Variants in HIPK4 observed in about 807,000 individuals in gnomAD.
The protein encoded by HIPK4 is homeodomain-interacting protein kinase 4.
HIPK4 carries 26 observed loss-of-function variants against 44.8 expected under a neutral mutation model. The ratio of observed to expected loss-of-function variants is 0.58; its 90% confidence interval spans 0.43 to 0.80. The LOEUF (loss-of-function observed/expected upper bound fraction) is 0.80. Ranked by LOEUF, HIPK4 falls within the 30% of genes least tolerant of loss-of-function variation. The pLI is 0.00. For missense variants in HIPK4, 729 were observed against 862.6 expected, an observed-to-expected ratio of 0.85 and a Z score of 1.94; for synonymous variants, 340 against 355.5, an observed-to-expected ratio of 0.96 and a Z score of 0.49.
chr19:40,387,286 C>T (rs1022921947), intron 1 of HIPK4, among the ~76,000 whole-genome samples: 1 of 152,106 alleles, frequency 6.6e-6, no homozygotes, highest in Admixed American at 6.6e-5. Context: ...CCTGAAGTCC[C>T]GGTCCTCTTC....
In HIPK4 at chr19:40,389,947, A is replaced by G. The variant is rs2079381362; in HGVS notation, c.-45T>C. 3 of 1,502,106 alleles carry G rather than the reference A, an allele frequency of 2.0e-6. No individual in the cohort carries two copies. The highest frequency in any genetic ancestry group is 2.8e-5 in the African/African-American group (2 of 72,718). The allele number at this position is 1,502,106 out of a possible 1,614,324, so 93.0% of individuals were successfully genotyped here. ...ACCGCCCTGCCCAGGCCCCTGTACC[A>G]CTGGCTCTGCCGCCCAGGCCTCCCG... is the stretch of plus-strand genomic sequence containing the variant. On this transcript the variant is annotated 5_prime_UTR_variant, in exon 1 of 4. Transcript: ENST00000291823. This position sits in a 1 kb window ranked among gnomAD's most constrained non-coding sequence, Gnocchi z 4.6.
chr19:40,386,679 G>C (rs1379155744), intron 1 of HIPK4, among the ~76,000 whole-genome samples: 2 of 152,064 alleles, frequency 1.3e-5, no homozygotes, highest in Non-Finnish European at 2.9e-5. Context: ...CCCCAGCGAG[G>C]ATGTCAGTCC....
At position 40,380,851 on chromosome 19, in the gene HIPK4, G is replaced by T. The variant is rs781648616; in HGVS notation, c.1140C>A (p.Pro380=). The part of the protein sequence containing the change: ...RLSLQVEGKP[P]TPVVAAEDGT... ...CATCTTCTGCGGCCACGACGGGCGTGGGGGGCTTCCCCTCCACTTGCAGCG... is the reference window on the plus strand; with the variant it reads ...CATCTTCTGCGGCCACGACGGGCGTTGGGGGCTTCCCCTCCACTTGCAGCG... Residue 380 remains proline, a synonymous_variant, in exon 3 of 4, where the codon CCC becomes CCA. Coordinates refer to ENST00000291823, the MANE Select transcript of HIPK4 (RefSeq NM_144685.5). The surrounding 1 kb of genome is among the most constrained non-coding windows in gnomAD (Gnocchi z 4.2). 5.0e-6 allele frequency: 8 copies of T among 1,608,916 alleles called. No homozygotes were observed. The highest frequency in any genetic ancestry group is 1.3e-5 in the African/African-American group (1 of 74,832).
chr19:40,383,639 C>T, intron 2 of HIPK4, 144 bp downstream of exon 2: 1 of 697,204 alleles, frequency 1.4e-6, no homozygotes, highest in Non-Finnish European at 2.5e-6. Flanking sequence ...CCAGGCTGGT[C>T]TCAAACCCCT....
Position 40,389,946 on chromosome 19 carries a change from C to T in HIPK4, c.-44G>A, listed in dbSNP as rs372068607. On this transcript the variant is annotated 5_prime_UTR_variant, in exon 1 of 4. Transcript: ENST00000291823. This position sits in a 1 kb window ranked among gnomAD's most constrained non-coding sequence, Gnocchi z 4.6. ...CACCGCCCTGCCCAGGCCCCTGTAC[C>T]ACTGGCTCTGCCGCCCAGGCCTCCC... is the stretch of plus-strand genomic sequence containing the variant. 663 of 1,511,824 alleles carry T rather than the reference C, an allele frequency of 4.4e-4. No individual in the cohort carries two copies. Among genetic ancestry groups the T allele is most frequent in the Middle Eastern group, 3.3e-3 (16 of 4,876 alleles). The allele number at this position is 1,511,824 out of a possible 1,614,324, so 93.7% of individuals were successfully genotyped here.
At chr19:40,388,281 G>A (rs2079372485) in intron 1 of HIPK4, among the ~76,000 whole-genome samples, 1 of 152,144 alleles carries the variant, frequency 6.6e-6, no homozygotes, top group Non-Finnish European at 1.5e-5. Flanking sequence ...GCCTCCCAAA[G>A]TGCTGGGATT....
intron 1 of HIPK4, 26 bp from the exon 2 acceptor site, chr19:40,384,165 G>C (rs1167873312): frequency 6.5e-7 from 1 of 1,542,404 alleles, no homozygotes. Context: ...AAGAGGGCGA[G>C]TGGGCAGGTC....
intron 3 of HIPK4, 120 bp from the exon 4 acceptor site, chr19:40,379,889 C>T: frequency 9.6e-7 from 1 of 1,038,618 alleles, no homozygotes; most frequent in Non-Finnish European, 1.4e-6. Context: ...AGTGCTGGGC[C>T]TTTATTGCCC....
Position 40,390,042 on chromosome 19 carries a change from T to G in HIPK4, c.-140A>C. 2 of 651,550 alleles carry G rather than the reference T, an allele frequency of 3.1e-6. No homozygotes were observed. The highest frequency in any genetic ancestry group is 5.2e-6 in the Non-Finnish European group (2 of 382,286). The allele number at this position is 651,550 out of a possible 1,614,324, so 40.4% of individuals were successfully genotyped here. ...CGCACTCGTGTCTCCTCCTATGAGG[T>G]TGGCCCCTGCTTCCCTGGCACCCCC... On this transcript the variant is annotated 5_prime_UTR_variant, in exon 1 of 4. Transcript: ENST00000291823.
intron 2 of HIPK4, among the ~76,000 whole-genome samples, chr19:40,382,074 G>A (rs576570590): frequency 6.6e-6 from 1 of 152,062 alleles, no homozygotes; most frequent in African/African-American, 2.4e-5. Context: ...CCAAAGTGCT[G>A]GGATTACAGG....
chr19:40,379,894 T>TGTGA, intron 3 of HIPK4, 125 bp from the exon 4 acceptor site: 1 of 1,007,420 alleles, frequency 9.9e-7, no homozygotes, highest in Non-Finnish European at 1.4e-6. Context: ...TGGGCCTTTA[T>TGTGA]TGCCCCTTTG....
rs1179435784 is a variant in HIPK4 at position 40,388,270 on chromosome 19, G to A, written c.465+1168C>T. Among the ~76,000 whole-genome samples, 8 of 151,220 alleles carry A rather than the reference G, an allele frequency of 5.3e-5. No individual in the cohort carries two copies. In the East Asian group the frequency reaches 7.9e-4, roughly 15 times the overall value. ...TGACCTCAGGTGATCCACCCGCCTC[G>A]GCCTCCCAAAGTGCTGGGATTACAG... is the stretch of plus-strand genomic sequence containing the variant. On this transcript the variant is annotated intron_variant, in intron 1 of 3. Coordinates refer to ENST00000291823, the MANE Select transcript of HIPK4 (RefSeq NM_144685.5).
intron 1 of HIPK4, among the ~76,000 whole-genome samples, chr19:40,387,895 G>A (rs1054855301): frequency 5.9e-5 from 9 of 151,858 alleles, no homozygotes; most frequent in African/African-American, 2.2e-4. Flanking sequence ...GTGCAGTGGC[G>A]TGATCTCAGC....
At position 40,379,348 on chromosome 19, in the gene HIPK4, C is replaced by T. The variant is rs545763038; in HGVS notation, c.*239G>A. 2.1e-5 allele frequency: 11 copies of T among 520,060 alleles called. No homozygotes were observed. The highest frequency in any genetic ancestry group is 4.9e-4 in the Middle Eastern group (1 of 2,034). The allele number at this position is 520,060 out of a possible 1,614,324, so 32.2% of individuals were successfully genotyped here. A position where few individuals can be genotyped will look rare whatever the true frequency, so the allele number is the denominator to read the frequency against. ...CGCAGGGCCAGCGGGGTGCAGCCCC[C>T]TTTCCTGCTGTCCTTCTGGCCAAGG... On this transcript the variant is annotated 3_prime_UTR_variant, in exon 4 of 4. Coordinates refer to ENST00000291823, the MANE Select transcript of HIPK4 (RefSeq NM_144685.5).
chr19:40,389,696 C>G lies in HIPK4; in HGVS notation c.207G>C (p.Glu69Asp). The G allele has an allele frequency of 6.2e-7, 1 of 1,614,188 alleles. No homozygotes were observed. Residue 69 changes from glutamate (E) to aspartate (D), a missense_variant, in exon 1 of 4, where the codon GAG (glutamate) becomes GAC (aspartate). Coordinates refer to ENST00000291823, the MANE Select transcript of HIPK4 (RefSeq NM_144685.5). This position sits in a 1 kb window ranked among gnomAD's most constrained non-coding sequence, Gnocchi z 4.6. ...LHCMRGLDPE[E>D]AHVIRFLEFF... ...ACTCAAGGAAGCGGATGACGTGGGCCTCTTCAGGGTCTAGGCCTCGCATGC... is the reference window on the plus strand; with the variant it reads ...ACTCAAGGAAGCGGATGACGTGGGCGTCTTCAGGGTCTAGGCCTCGCATGC...
At position 40,381,027 on chromosome 19, in the gene HIPK4, C is replaced by T. The variant is rs867325766; in HGVS notation, c.964G>A (p.Glu322Lys). 1 of 1,613,612 alleles carries T rather than the reference C, an allele frequency of 6.2e-7. No homozygotes were observed. Among genetic ancestry groups the T allele is most frequent in the Middle Eastern group, 1.6e-4 (1 of 6,062 alleles). Reference sequence around the variant, plus strand: ...CAGGTCAGCATGCGCTTGATCAGCTCCACCATGCTCTTGAGGTCGGCGTGC... The same window carrying T: ...CAGGTCAGCATGCGCTTGATCAGCTTCACCATGCTCTTGAGGTCGGCGTGC... Reference protein sequence around the residue: ...AEHADLKSMVELIKRMLTWES... With the variant: ...AEHADLKSMVKLIKRMLTWES... Residue 322 changes from glutamate (E) to lysine (K), a missense_variant, in exon 3 of 4, where the codon GAG (glutamate) becomes AAG (lysine). This residue lies in a region of HIPK4 where 533 missense variants were observed against 567.5 expected (regional missense o/e 0.94). Transcript: ENST00000291823.
Position 40,381,003 on chromosome 19 carries a change from A to G in HIPK4, c.988T>C (p.Trp330Arg). The G allele has an allele frequency of 6.2e-7, 1 of 1,613,394 alleles. No homozygotes were observed. The change falls in exon 3 of 4, where the codon TGG (tryptophan) becomes CGG (arginine). Residue 330 changes from tryptophan to arginine, a missense_variant. Coordinates refer to ENST00000291823, the MANE Select transcript of HIPK4 (RefSeq NM_144685.5). ...GGGCTGATGCGTTCGTGTGACTCCC[A>G]GGTCAGCATGCGCTTGATCAGCTCC... ...MVELIKRMLT[W>R]ESHERISPSA...
chr19:40,385,074 C>A (rs1968358), intron 1 of HIPK4, among the ~76,000 whole-genome samples: 24,586 of 152,190 alleles, frequency 0.16, 2,110 homozygotes, highest in Middle Eastern at 0.26. Context: ...GCCAACAGAT[C>A]TAGAATCTGC....
rs1361809948 is a variant in HIPK4 at position 40,380,246 on chromosome 19, A to G, written c.1668+77T>C. 8 of 1,516,610 alleles carry G rather than the reference A, an allele frequency of 5.3e-6. No individual in the cohort carries two copies. The South Asian group carries it at 6.3e-5, about 12-fold the overall frequency. 93.9% of individuals were successfully genotyped at this position (1,516,610 alleles called of 1,614,324 possible). ...TGTGTGTTGAGCCTCCTCACACACT[A>G]ATCATATCCTGAGCACGGGTGAGTG... On this transcript the variant is annotated intron_variant, in intron 3 of 3. Coordinates refer to ENST00000291823, the MANE Select transcript of HIPK4 (RefSeq NM_144685.5). This position sits in a 1 kb window ranked among gnomAD's most constrained non-coding sequence, Gnocchi z 4.2.
Sources: gnomAD v4.1 joint callset for allele counts (sites outside exome capture counted in the v4.1 genomes callset) on GRCh38, gnomAD v4.1.1 for gene constraint, gnomAD v4.1.1 regional missense constraint, Gnocchi (gnomAD v3.1) non-coding constraint, MANE v1.5 for transcripts, NCBI Gene and HGNC (gene_info 2026-07-23, HGNC 2026-07-21) for gene names.